The following CDIN1 variants were observed in gnomAD, a reference collection of about 807,000 sequenced individuals.
The protein encoded by CDIN1 is CDAN1-interacting nuclease 1.
A neutral mutation model predicts 45.3 loss-of-function variants in CDIN1; 33 were observed. The observed-to-expected ratio is 0.73, with a 90% CI of 0.55 to 0.97. The LOEUF is 0.97. CDIN1 is among the 50% of genes least tolerant of loss of function. The pLI, the probability that CDIN1 is intolerant of heterozygous loss-of-function variation, is 0.00. For synonymous variants in CDIN1, 118 were observed against 124.4 expected (o/e 0.95, Z 0.34); for missense variants, 303 against 339.4 (o/e 0.89, Z 0.84).
chr15:36,655,422 G>T (rs977434314), intron 4 of CDIN1, among the ~76,000 whole-genome samples: 1 of 151,134 alleles, frequency 6.6e-6, no homozygotes, highest in Non-Finnish European at 1.5e-5. Context: ...TGCCTCCCGG[G>T]TTCAAGAGAT....
intron 10 of CDIN1, among the ~76,000 whole-genome samples, chr15:36,760,608 AT>A (rs2053734407): frequency 6.6e-6 from 1 of 152,196 alleles, no homozygotes; most frequent in Non-Finnish European, 1.5e-5. Context: ...TTCCACAGAA[AT>A]TTTAAGTGTT....
chr15:36,757,494 A>C (rs1304055280), intron 10 of CDIN1, among the ~76,000 whole-genome samples: 1 of 152,202 alleles, frequency 6.6e-6, no homozygotes, highest in Admixed American at 6.5e-5. Context: ...ACCTGTGGTC[A>C]ACCACCATCT....
intron 10 of CDIN1, among the ~76,000 whole-genome samples, chr15:36,806,572 A>G (rs919234684): frequency 8.5e-5 from 13 of 152,132 alleles, no homozygotes; most frequent in Non-Finnish European, 1.9e-4. Flanking sequence ...GTTGAGCTTA[A>G]TGTTAGATCT....
At chr15:36,621,427 G>A (rs1004870165) in intron 1 of CDIN1, among the ~76,000 whole-genome samples, 1 of 152,068 alleles carries the variant, frequency 6.6e-6, no homozygotes, top group African/African-American at 2.4e-5. Flanking sequence ...CATGGCAGTT[G>A]TTTTTGATTT....
intron 5 of CDIN1, among the ~76,000 whole-genome samples, chr15:36,659,795 A>G (rs2040923818): frequency 6.6e-6 from 1 of 151,980 alleles, no homozygotes; most frequent in Admixed American, 6.6e-5. Flanking sequence ...TGGTTTCAAA[A>G]ATCTTTTATG....
chr15:36,644,692 G>A (rs2040241509), intron 2 of CDIN1, among the ~76,000 whole-genome samples: 1 of 152,126 alleles, frequency 6.6e-6, no homozygotes, highest in African/African-American at 2.4e-5. Flanking sequence ...AGTGGCAGAA[G>A]GCAAGAGAGG....
intron 1 of CDIN1, among the ~76,000 whole-genome samples, chr15:36,633,836 C>T (rs946732088): frequency 4.0e-5 from 6 of 151,062 alleles, no homozygotes; most frequent in African/African-American, 1.5e-4. Context: ...TAGCTAACAG[C>T]AACCTCTGTC....
intron 10 of CDIN1, among the ~76,000 whole-genome samples, chr15:36,710,830 A>G (rs1449008624): frequency 6.6e-6 from 1 of 152,190 alleles, no homozygotes; most frequent in East Asian, 1.9e-4. Flanking sequence ...GTCCTAGGGT[A>G]AAAACAGTGA....
intron 1 of CDIN1, among the ~76,000 whole-genome samples, chr15:36,638,065 A>G (rs766529518): frequency 2.0e-5 from 3 of 152,172 alleles, no homozygotes; most frequent in Non-Finnish European, 4.4e-5. Context: ...TGGGCTGTGC[A>G]TTTGTTCCAC....
chr15:36,770,304 G>C (rs1240952207), intron 10 of CDIN1, among the ~76,000 whole-genome samples: 1 of 151,666 alleles, frequency 6.6e-6, no homozygotes, highest in African/African-American at 2.4e-5. Flanking sequence ...AAAGAGGGAG[G>C]GAGGGAGGAA....
At chr15:36,598,110 G>A (rs1444328453) in intron 1 of CDIN1, among the ~76,000 whole-genome samples, 2 of 151,930 alleles carry the variant, frequency 1.3e-5, no homozygotes, top group Non-Finnish European at 1.5e-5. Flanking sequence ...TACACCTCAC[G>A]CTCCCAAGTA....
At chr15:36,636,827 A>G (rs1428863003) in intron 1 of CDIN1, among the ~76,000 whole-genome samples, 1 of 152,218 alleles carries the variant, frequency 6.6e-6, no homozygotes, top group African/African-American at 2.4e-5. Context: ...ATTTTGATAC[A>G]TTGAGGAGGC....
chr15:36,634,940 A>G (rs2140364473), intron 1 of CDIN1, among the ~76,000 whole-genome samples: 1 of 152,146 alleles, frequency 6.6e-6, no homozygotes, highest in Admixed American at 6.5e-5. Context: ...TTTTTGGAGG[A>G]CTATGTTTTT....
chr15:36,620,803 T>TG (rs2039150184), intron 1 of CDIN1, among the ~76,000 whole-genome samples: 1 of 137,228 alleles, frequency 7.3e-6, no homozygotes. Context: ...AGGCTTAATT[T>TG]TGGGGGGGGA....
intron 10 of CDIN1, among the ~76,000 whole-genome samples, chr15:36,800,881 G>A (rs11073201): frequency 0.093 from 4,121 of 44,208 alleles, 224 homozygotes; most frequent in Non-Finnish European, 0.12. Context: ...GTGTATATAT[G>A]TGTGTGTGTG....
chr15:36,668,433 G>A (rs891302780), intron 5 of CDIN1, among the ~76,000 whole-genome samples: 2 of 152,096 alleles, frequency 1.3e-5, no homozygotes, highest in Admixed American at 1.3e-4. Flanking sequence ...TGAATTTCAG[G>A]TTAAGTGACC....
At chr15:36,710,714 C>G (rs2043027444) in intron 10 of CDIN1, among the ~76,000 whole-genome samples, 1 of 152,062 alleles carries the variant, frequency 6.6e-6, no homozygotes, top group Non-Finnish European at 1.5e-5. Context: ...CATGTTTTTT[C>G]CCCCTTAGAA....
chr15:36,701,122 GTAGATAGATAGATAGATAGATAGA>G (rs200063950), intron 8 of CDIN1, among the ~76,000 whole-genome samples: 1 of 103,806 alleles, frequency 9.6e-6, no homozygotes, highest in Non-Finnish European at 1.9e-5. Flanking sequence ...AGATAGGTAG[GTAGATAGATAGATAGATAGATAGA>G]TAGATAGATA....
chr15:36,641,249 C>G (rs1050753144), intron 1 of CDIN1: 50 of 152,208 alleles, frequency 3.3e-4, no homozygotes, highest in African/African-American at 1.2e-3. Context: ...TGTATAATTA[C>G]ACAGAATAAG....
Sources: gnomAD v4.1 joint callset for allele counts (sites outside exome capture counted in the v4.1 genomes callset) on GRCh38, gnomAD v4.1.1 for gene constraint, MANE v1.5 for transcripts, NCBI Gene and HGNC (gene_info 2026-07-23, HGNC 2026-07-21) for gene names.